Variants in TIAM1 observed in about 807,000 individuals in gnomAD.
The protein encoded by TIAM1 is TIAM Rac1 associated GEF 1.
TIAM1 carries 65 observed loss-of-function variants against 163.5 expected under a neutral mutation model. That is an observed-to-expected ratio of 0.40 (90% CI 0.33 to 0.49). The LOEUF is 0.49. Among genes scored for constraint, TIAM1 ranks in the 20% least tolerant of loss-of-function variants. TIAM1 has a pLI of 0.77. For synonymous variants in TIAM1, 833 were observed against 810.1 expected (o/e 1.03, Z -0.48); for missense variants, 1,789 against 2,044.7 (o/e 0.87, Z 2.41).
At chr21:31,471,861 C>A (rs2045751527) in intron 1 of TIAM1, among the ~76,000 whole-genome samples, 1 of 138,526 alleles carries the variant, frequency 7.2e-6, no homozygotes, top group South Asian at 2.4e-4. Context: ...AAGAGCGAAA[C>A]TCCATCTCAA....
rs2043264983 is a variant in TIAM1, at chr21:31,413,264, C to CCT, written c.-369+50718_-369+50719insAG. 8.0e-5 allele frequency among the ~76,000 whole-genome samples: 7 copies of CCT among 87,858 alleles called. No individual in the cohort carries two copies. In the South Asian group the frequency reaches 2.6e-3, roughly 33 times the overall value. The allele number at this position is 87,858 out of a possible 152,430, so 57.6% of individuals were successfully genotyped here. On this transcript the variant is annotated intron_variant, in intron 2 of 28. Transcript: ENST00000286827. Reference sequence around the variant, plus strand: ...TTTCTTTTTTCTTTTCTTTTCTTTTCTTTTTTTTTTTTTTTTTTTTTTTGA... The same window carrying CCT: ...TTTCTTTTTTCTTTTCTTTTCTTTTCCTTTTTTTTTTTTTTTTTTTTTTTTGA...
chr21:31,495,014 C>A (rs1321620127), intron 1 of TIAM1, among the ~76,000 whole-genome samples: 6 of 152,010 alleles, frequency 3.9e-5, no homozygotes, highest in African/African-American at 1.4e-4. Context: ...CGTCATGTTG[C>A]CAAAATACTC....
At chr21:31,473,835 C>T (rs2045843236) in intron 1 of TIAM1, among the ~76,000 whole-genome samples, 1 of 152,132 alleles carries the variant, frequency 6.6e-6, no homozygotes, top group South Asian at 2.1e-4. Flanking sequence ...TTAGCTGGTG[C>T]CGCCCTGCAC....
At chr21:31,126,360 A>G (rs2082199345) in intron 26 of TIAM1, among the ~76,000 whole-genome samples, 1 of 152,146 alleles carries the variant, frequency 6.6e-6, no homozygotes, top group African/African-American at 2.4e-5. Context: ...CGATGTCAGG[A>G]GATCGAGACC....
At chr21:31,500,107 G>A (rs1269686244) in intron 1 of TIAM1, among the ~76,000 whole-genome samples, 3 of 152,174 alleles carry the variant, frequency 2.0e-5, no homozygotes, top group African/African-American at 7.2e-5. Flanking sequence ...AGAGGTTGCA[G>A]TGAGCCAAGA....
intron 1 of TIAM1, among the ~76,000 whole-genome samples, chr21:31,531,325 G>A (rs112776947): frequency 2.0e-5 from 3 of 152,168 alleles, no homozygotes; most frequent in Non-Finnish European, 4.4e-5. Flanking sequence ...TCCAAGGCAG[G>A]TCTATGCTGT....
intron 1 of TIAM1, among the ~76,000 whole-genome samples, chr21:31,341,219 G>A (rs932698106): frequency 6.6e-6 from 1 of 152,098 alleles, no homozygotes; most frequent in African/African-American, 2.4e-5. Flanking sequence ...CTCATTATAC[G>A]CTGAATTCAC....
intron 16 of TIAM1, among the ~76,000 whole-genome samples, chr21:31,155,629 C>T (rs1199732898): frequency 1.3e-5 from 2 of 152,104 alleles, no homozygotes; most frequent in East Asian, 3.9e-4. Context: ...CTCAGCCTCC[C>T]GAGCAGCTGG....
rs373598678 is a variant in TIAM1, at chr21:31,147,787, A to AATATAT, written c.3367-790_3367-785dup. 2.3e-3 allele frequency among the ~76,000 whole-genome samples: 316 copies of AATATAT among 139,828 alleles called. 2 individuals are homozygous for AATATAT. The highest frequency in any genetic ancestry group is 4.2e-3 in the African/African-American group (160 of 37,836). The allele number at this position is 139,828 out of a possible 152,430, so 91.7% of individuals were successfully genotyped here. A position where few individuals can be genotyped will look rare whatever the true frequency, so the allele number is the denominator to read the frequency against. The stretch of plus-strand genomic sequence containing the variant: ...ATATTATATTAATATATTATATTAA[A>AATATAT]ATATATATATATATATATGGCCTCA... On this transcript the variant is annotated intron_variant, in intron 19 of 27. Transcript: ENST00000541036.
At chr21:31,394,748 A>G (rs1364904610) in intron 2 of TIAM1, among the ~76,000 whole-genome samples, 2 of 150,640 alleles carry the variant, frequency 1.3e-5, no homozygotes, top group African/African-American at 2.4e-5. Flanking sequence ...ACACACACAC[A>G]CACACACACA....
chr21:31,130,398 G>T, intron 24 of TIAM1, 83 bp from the exon 25 acceptor site: 1 of 1,108,864 alleles, frequency 9.0e-7, no homozygotes, highest in Non-Finnish European at 1.4e-6. Flanking sequence ...ACCAGCGACA[G>T]ACTCTCACGC....
chr21:31,120,844 A>G lies in TIAM1; in HGVS notation c.4307-7T>C, dbSNP rs764589850. The G allele has an allele frequency of 1.3e-6, 2 of 1,586,700 alleles. No individual in the cohort carries two copies. The highest frequency in any genetic ancestry group is 1.4e-5 in the African/African-American group (1 of 73,604). ...GACTTGCTTGGGGCAGACACTGCAC[A>G]CACACACAAAAATATAAAAATAAAA... On this transcript the variant is annotated splice_polypyrimidine_tract_variant and splice_region_variant and intron_variant, in intron 27 of 27. Transcript: ENST00000541036. The surrounding 1 kb of genome is among the most constrained non-coding windows in gnomAD (Gnocchi z 4.2).
intron 15 of TIAM1, 121 bp from the exon 16 acceptor site, chr21:31,165,186 C>T: frequency 1.3e-6 from 1 of 741,524 alleles, no homozygotes; most frequent in Non-Finnish European, 2.2e-6. Context: ...TAAGACCCTC[C>T]AAGTACAAGC....
chr21:31,382,484 T>C (rs1356727522), intron 2 of TIAM1, among the ~76,000 whole-genome samples: 1 of 152,230 alleles, frequency 6.6e-6, no homozygotes, highest in Non-Finnish European at 1.5e-5. Flanking sequence ...ATGTATCTCA[T>C]GAAAGAAAGC....
intron 2 of TIAM1, among the ~76,000 whole-genome samples, chr21:31,404,732 A>G (rs747943582): frequency 3.9e-5 from 6 of 152,154 alleles, no homozygotes; most frequent in South Asian, 2.1e-4. Context: ...TTGATAATGC[A>G]GTATAGCTAA....
chr21:31,336,488 CTT>C (rs34052300), intron 2 of TIAM1, among the ~76,000 whole-genome samples: 22,274 of 125,296 alleles, frequency 0.18, 1,605 homozygotes, highest in African/African-American at 0.21. Flanking sequence ...TTGCCCCTTG[CTT>C]TTTTTTTTTT....
chr21:31,152,947 A>G (rs2083448647), intron 18 of TIAM1, 119 bp downstream of exon 18: 1 of 1,288,894 alleles, frequency 7.8e-7, no homozygotes, highest in African/African-American at 1.5e-5. Flanking sequence ...AATTTCAGCT[A>G]GTTACAATTA....
rs1555955062 is a variant in TIAM1, at chr21:31,359,862, A to AAGGG, written c.-368-20444_-368-20441dup. On this transcript the variant is annotated intron_variant, in intron 2 of 28. Transcript: ENST00000286827. ...GAAGGAAGGAAGGAAGGAAGGAAGG[A>AAGGG]AGGGAGGGAGGGAGGAAAGACAATG... is the stretch of plus-strand genomic sequence containing the variant. Among the ~76,000 whole-genome samples, 504 of 118,520 alleles carry AAGGG rather than the reference A, an allele frequency of 4.3e-3. 13 individuals carry two copies. The highest frequency in any genetic ancestry group is 0.011 in the African/African-American group (328 of 29,794). The allele number at this position is 118,520 out of a possible 152,430, so 77.8% of individuals were successfully genotyped here.
chr21:31,160,302 G>A (rs1412295987), intron 16 of TIAM1: 1 of 396,026 alleles, frequency 2.5e-6, no homozygotes, highest in Non-Finnish European at 4.4e-6. Flanking sequence ...TTATGAACAA[G>A]GGTATCCAGA....
Sources: allele counts gnomAD v4.1 joint callset (sites outside exome capture counted in the v4.1 genomes callset), GRCh38; gene constraint gnomAD v4.1.1; non-coding constraint Gnocchi (gnomAD v3.1); transcripts MANE v1.5; gene names NCBI Gene and HGNC (gene_info 2026-07-23, HGNC 2026-07-21).